The following PPP1R12B variants were observed in gnomAD, a reference collection of about 807,000 sequenced individuals.
PPP1R12B encodes myosin phosphatase target subunit 2.
PPP1R12B carries 76 observed loss-of-function variants against 126.1 expected under a neutral mutation model. The ratio of observed to expected loss-of-function variants is 0.60; its 90% CI spans 0.50 to 0.73. The LOEUF is 0.73. PPP1R12B is among the 30% of genes least tolerant of loss of function. PPP1R12B has a pLI of 0.00. For missense variants in PPP1R12B, 1,052 were observed against 1,205.1 expected, an observed-to-expected ratio of 0.87 and a Z score of 1.88; for synonymous variants, 356 against 434.7, an observed-to-expected ratio of 0.82 and a Z score of 2.25.
chr1:202,533,307 T>G (rs1439952283), intron 18 of PPP1R12B, among the ~76,000 whole-genome samples: 1 of 151,868 alleles, frequency 6.6e-6, no homozygotes, highest in Non-Finnish European at 1.5e-5. Context: ...TTGTTTTGTT[T>G]TGTTTTGTTT....
At chr1:202,521,214 G>A (rs1682749762) in intron 18 of PPP1R12B, among the ~76,000 whole-genome samples, 1 of 152,132 alleles carries the variant, frequency 6.6e-6, no homozygotes, top group African/African-American at 2.4e-5. Context: ...CTTAAGGTCT[G>A]GTTCAAGGTT....
chr1:202,367,283 G>T (rs1233627838), intron 1 of PPP1R12B, among the ~76,000 whole-genome samples: 2 of 152,136 alleles, frequency 1.3e-5, no homozygotes, highest in Non-Finnish European at 2.9e-5. Flanking sequence ...ATGAGCTTTG[G>T]AATCAGACAT....
In PPP1R12B at chr1:202,588,902, A is replaced by C. The variant is rs942661795; in HGVS notation, c.*8342A>C. ...AGGTTCCAAGCTTCAAGTAACCAAGAGTATATACGGTTATTTCTTGGAAGA... is the reference window on the plus strand; with the variant it reads ...AGGTTCCAAGCTTCAAGTAACCAAGCGTATATACGGTTATTTCTTGGAAGA... On this transcript the variant is annotated 3_prime_UTR_variant, in exon 24 of 24. Transcript: ENST00000608999. 2.5e-4 allele frequency: 38 copies of C among 151,678 alleles called. No homozygotes were observed. Among genetic ancestry groups the C allele is most frequent in the African/African-American group, 8.5e-4 (35 of 41,308 alleles). 9.4% of individuals were successfully genotyped at this position (151,678 alleles called of 1,614,324 possible).
intron 1 of PPP1R12B, among the ~76,000 whole-genome samples, chr1:202,401,839 A>C (rs1665890054): frequency 1.3e-5 from 2 of 152,280 alleles, no homozygotes; most frequent in South Asian, 4.1e-4. Context: ...GTCCTACATA[A>C]CAGTTGTTCA....
At position 202,380,162 on chromosome 1, in the gene PPP1R12B, C is replaced by G. The variant is rs549442798; in HGVS notation, c.291+31020C>G. ...CTGCTCCTGCTCCCCTTCTATGCCT[C>G]GTAAAACCCTCCTAATCACTTCAAG... is the stretch of plus-strand genomic sequence containing the variant. On this transcript the variant is annotated intron_variant, in intron 1 of 23. Coordinates refer to ENST00000608999, the MANE Select transcript of PPP1R12B (RefSeq NM_002481.4). 2.0e-5 allele frequency among the ~76,000 whole-genome samples: 3 copies of G among 152,148 alleles called. No homozygotes were observed. The South Asian group carries it at 6.2e-4, about 32-fold the overall frequency.
chr1:202,441,207 C>T (rs1417429657), intron 11 of PPP1R12B, among the ~76,000 whole-genome samples: 1 of 152,188 alleles, frequency 6.6e-6, no homozygotes, highest in Non-Finnish European at 1.5e-5. Flanking sequence ...AAATTAAAGT[C>T]TTCCTAATTA....
intron 2 of PPP1R12B, among the ~76,000 whole-genome samples, chr1:202,421,047 C>T (rs535818259): frequency 6.7e-6 from 1 of 150,304 alleles, no homozygotes; most frequent in East Asian, 2.0e-4. Context: ...CCTCCGCCAC[C>T]TGGGTTCAAA....
At chr1:202,402,897 A>T (rs201975773) in intron 1 of PPP1R12B, among the ~76,000 whole-genome samples, 1 of 152,260 alleles carries the variant, frequency 6.6e-6, no homozygotes, top group Admixed American at 6.5e-5. Context: ...ACTCTAGTTT[A>T]TAGTTAAGTA....
chr1:202,442,472 A>C lies in PPP1R12B; in HGVS notation c.1567A>C (p.Ser523Arg). 6.2e-7 allele frequency: 1 copy of C among 1,613,406 alleles called. No individual in the cohort carries two copies. Residue 523 changes from serine to arginine, a missense_variant, in exon 12 of 24, where the codon AGT becomes CGT. Transcript: ENST00000608999. The stretch of plus-strand genomic sequence containing the variant: ...AGAATCAGCTGTTAATCTAGTGAGG[A>C]GTGGCTCCTATACCCGGCAGCTATG... ...NRESAVNLVRSGSYTRQLWRD... is the reference protein window; with the variant it reads ...NRESAVNLVRRGSYTRQLWRD...
At chr1:202,568,169 TACACACACACAC>T (rs112151278) in intron 22 of PPP1R12B, among the ~76,000 whole-genome samples, 1 of 147,360 alleles carries the variant, frequency 6.8e-6, no homozygotes, top group African/African-American at 2.5e-5. Flanking sequence ...AATCATTGCA[TACACACACACAC>T]ACACACACAC....
chr1:202,363,392 T>C (rs1045207829), intron 1 of PPP1R12B, among the ~76,000 whole-genome samples: 1 of 152,174 alleles, frequency 6.6e-6, no homozygotes, highest in Non-Finnish European at 1.5e-5. Flanking sequence ...GAAAAGGGTA[T>C]TGATCATTAT....
chr1:202,474,331 A>C (rs937001352), intron 13 of PPP1R12B, among the ~76,000 whole-genome samples: 1 of 151,338 alleles, frequency 6.6e-6, no homozygotes, highest in East Asian at 1.9e-4. Flanking sequence ...CTTGTCGCCC[A>C]GGTTGGAGTG....
chr1:202,479,706 G>A (rs1230644581), intron 13 of PPP1R12B, among the ~76,000 whole-genome samples: 1 of 152,204 alleles, frequency 6.6e-6, no homozygotes, highest in Non-Finnish European at 1.5e-5. Context: ...AAGGTACTTT[G>A]CCTTAGTCTC....
intron 18 of PPP1R12B, among the ~76,000 whole-genome samples, chr1:202,504,161 G>A (rs775416223): frequency 3.7e-4 from 57 of 152,122 alleles, no homozygotes; most frequent in Admixed American, 3.9e-4. Flanking sequence ...TTAGGAGGCC[G>A]AGGCAGATGG....
intron 5 of PPP1R12B, among the ~76,000 whole-genome samples, chr1:202,427,516 A>T (rs1221493144): frequency 6.6e-6 from 1 of 152,200 alleles, no homozygotes; most frequent in Non-Finnish European, 1.5e-5. Context: ...TTGTTGCTGT[A>T]TTCATGTGAG....
intron 13 of PPP1R12B, among the ~76,000 whole-genome samples, chr1:202,464,265 C>T (rs994430235): frequency 6.6e-6 from 1 of 152,122 alleles, no homozygotes; most frequent in Non-Finnish European, 1.5e-5. Context: ...GGGTTTTCTT[C>T]ACAGAGCCTA....
chr1:202,371,650 CTTGTT>C (rs1194508026), intron 1 of PPP1R12B, among the ~76,000 whole-genome samples: 2 of 151,752 alleles, frequency 1.3e-5, no homozygotes, highest in Non-Finnish European at 2.9e-5. Flanking sequence ...TCTTTACGTT[CTTGTT>C]TTGTTTTGAA....
intron 18 of PPP1R12B, among the ~76,000 whole-genome samples, chr1:202,526,613 G>C (rs1322257684): frequency 1.3e-5 from 2 of 152,160 alleles, no homozygotes; most frequent in Non-Finnish European, 2.9e-5. Context: ...GCTCGATAAA[G>C]AGGAGAGTGA....
At chr1:202,452,901 A>G (rs1002443995) in intron 13 of PPP1R12B, among the ~76,000 whole-genome samples, 6 of 151,696 alleles carry the variant, frequency 4.0e-5, no homozygotes, top group African/African-American at 9.7e-5. Flanking sequence ...TCCTGGGGTC[A>G]AGCCATTTTC....
Sources: gnomAD v4.1 joint callset for allele counts (sites outside exome capture counted in the v4.1 genomes callset) on GRCh38, gnomAD v4.1.1 for gene constraint, MANE v1.5 for transcripts, NCBI Gene and HGNC (gene_info 2026-07-23, HGNC 2026-07-21) for gene names.